OLFM3: variants seen among roughly 807,000 people sequenced by gnomAD.
OLFM3 encodes noelin-3.
A neutral mutation model predicts 48.6 loss-of-function variants in OLFM3; 20 were observed. The ratio of observed to expected loss-of-function variants is 0.41; its 90% CI spans 0.29 to 0.60. The LOEUF (loss-of-function observed/expected upper bound fraction) is 0.60. OLFM3 is among the 20% of genes least tolerant of loss of function. OLFM3 has a pLI of 0.28. For missense variants in OLFM3, 437 were observed against 544.3 expected, an observed-to-expected ratio of 0.80 and a Z score of 1.96; for synonymous variants, 222 against 198.1, an observed-to-expected ratio of 1.12 and a Z score of -1.01.
chr1:101,821,436 T>C (rs925340999), intron 4 of OLFM3, among the ~76,000 whole-genome samples: 2 of 152,070 alleles, frequency 1.3e-5, no homozygotes, highest in East Asian at 3.8e-4. Flanking sequence ...TGAAGTTTCA[T>C]TTATTTATTT....
intron 1 of OLFM3, among the ~76,000 whole-genome samples, chr1:101,965,191 T>G (rs1462385172): frequency 6.6e-6 from 1 of 152,196 alleles, no homozygotes; most frequent in Non-Finnish European, 1.5e-5. Context: ...TTGTTATTTT[T>G]GGCAAAAATT....
chr1:101,899,794 A>T (rs913133835), intron 1 of OLFM3, among the ~76,000 whole-genome samples: 2 of 152,208 alleles, frequency 1.3e-5, no homozygotes, highest in Non-Finnish European at 2.9e-5. Context: ...AAAATTTAAT[A>T]TGTAAATAAA....
At chr1:101,990,744 G>A (rs1409915936) in intron 1 of OLFM3, among the ~76,000 whole-genome samples, 1 of 151,712 alleles carries the variant, frequency 6.6e-6, no homozygotes. Context: ...CCAGCACTTT[G>A]GGAGGCTGAG....
chr1:101,975,566 A>G (rs975172324), intron 1 of OLFM3, among the ~76,000 whole-genome samples: 1 of 152,184 alleles, frequency 6.6e-6, no homozygotes, highest in Non-Finnish European at 1.5e-5. Flanking sequence ...CAAAATATCA[A>G]TGTTTTCTTG....
intron 2 of OLFM3, among the ~76,000 whole-genome samples, chr1:101,836,594 CT>C (rs3079176): frequency 4.0e-4 from 59 of 146,380 alleles, no homozygotes; most frequent in East Asian, 9.9e-4. Flanking sequence ...GAATAAGATG[CT>C]TTTTTTTTTT....
intron 4 of OLFM3, among the ~76,000 whole-genome samples, chr1:101,819,692 T>C (rs182792000): frequency 5.1e-4 from 77 of 152,108 alleles, no homozygotes; most frequent in African/African-American, 1.7e-3. Flanking sequence ...AAATTAAAGT[T>C]ATTGAGGTAT....
intron 1 of OLFM3, among the ~76,000 whole-genome samples, chr1:101,857,431 A>T (rs758165972): frequency 6.6e-6 from 1 of 152,004 alleles, no homozygotes; most frequent in African/African-American, 2.4e-5. Context: ...TAATGTACAG[A>T]GCTAAAACTG....
intron 1 of OLFM3, among the ~76,000 whole-genome samples, chr1:101,918,460 T>C (rs1268507457): frequency 1.3e-5 from 2 of 152,178 alleles, no homozygotes; most frequent in Admixed American, 6.6e-5. Flanking sequence ...AGAGGCTGCC[T>C]TCATTTCTTG....
At chr1:101,861,502 A>G (rs1557706264) in intron 1 of OLFM3, among the ~76,000 whole-genome samples, 1 of 152,242 alleles carries the variant, frequency 6.6e-6, no homozygotes, top group Non-Finnish European at 1.5e-5. Context: ...GAAACACCAT[A>G]GAAGGTTCAG....
At chr1:101,882,268 C>T (rs143556106) in intron 1 of OLFM3, among the ~76,000 whole-genome samples, 1,660 of 148,036 alleles carry the variant, frequency 0.011, 28 homozygotes, top group African/African-American at 0.038. Context: ...TTATGTATGT[C>T]AAAATCAACA....
chr1:101,829,549 T>C (rs1410950751), intron 3 of OLFM3, among the ~76,000 whole-genome samples: 1 of 152,218 alleles, frequency 6.6e-6, no homozygotes, highest in African/African-American at 2.4e-5. Flanking sequence ...CATGAAACTT[T>C]CTGCCACATT....
At chr1:101,850,654 A>T (rs1656188143) in intron 1 of OLFM3, among the ~76,000 whole-genome samples, 1 of 152,166 alleles carries the variant, frequency 6.6e-6, no homozygotes, top group South Asian at 2.1e-4. Flanking sequence ...AAAAAACCTG[A>T]TGACCACATA....
intron 1 of OLFM3, among the ~76,000 whole-genome samples, chr1:101,965,381 A>C (rs1369366814): frequency 2.6e-5 from 4 of 152,232 alleles, no homozygotes; most frequent in Admixed American, 6.5e-5. Context: ...CTGGAGAATT[A>C]GCTATTAAGT....
chr1:101,854,157 G>T (rs1354325772), intron 1 of OLFM3, among the ~76,000 whole-genome samples: 1 of 114,918 alleles, frequency 8.7e-6, no homozygotes, highest in Admixed American at 7.9e-5. Context: ...AAAAAGAAAA[G>T]ACAGATTTAA....
chr1:101,967,590 G>GAAAAAAAAAAAAAAAA (rs71592233), intron 1 of OLFM3, among the ~76,000 whole-genome samples: 1,121 of 44,544 alleles, frequency 0.025, 101 homozygotes, highest in East Asian at 0.061. Flanking sequence ...CCTAGTCAGT[G>GAAAAAAAAAAAAAAAA]AAAAAAAAAA....
chr1:101,925,984 C>T (rs1469358222), intron 1 of OLFM3, among the ~76,000 whole-genome samples: 11 of 152,146 alleles, frequency 7.2e-5, no homozygotes, highest in Admixed American at 7.2e-4. Context: ...AAGATGAGAA[C>T]TCTGACATGA....
chr1:101,884,459 G>A (rs537388743), intron 1 of OLFM3, among the ~76,000 whole-genome samples: 2 of 151,492 alleles, frequency 1.3e-5, no homozygotes, highest in South Asian at 4.2e-4. Flanking sequence ...TTTAATGCAG[G>A]GATAAGTGCC....
intron 1 of OLFM3, among the ~76,000 whole-genome samples, chr1:101,876,230 A>C (rs1296237374): frequency 1.3e-5 from 2 of 152,002 alleles, no homozygotes; most frequent in East Asian, 3.9e-4. Flanking sequence ...TTCTTACAGC[A>C]GGAGCCACCT....
chr1:101,948,746 C>G lies in OLFM3; in HGVS notation c.69+48002G>C, dbSNP rs1660033061. Among the ~76,000 whole-genome samples the G allele has an allele frequency of 3.3e-5, 5 of 151,582 alleles. 1 individual carries two copies. The South Asian group carries it at 1.0e-3, about 31-fold the overall frequency. ...ACACTCAGGGTTTTCTCTTTTTATT[C>G]TCCTCTGCGTAAATACTGATTTCAT... On this transcript the variant is annotated intron_variant, in intron 1 of 5. Coordinates refer to ENST00000370103, the MANE Select transcript of OLFM3 (RefSeq NM_058170.4).
Sources: gnomAD v4.1 joint callset for allele counts (sites outside exome capture counted in the v4.1 genomes callset) on GRCh38, gnomAD v4.1.1 for gene constraint, MANE v1.5 for transcripts, NCBI Gene and HGNC (gene_info 2026-07-23, HGNC 2026-07-21) for gene names.